The following WDR91 variants were observed in gnomAD, a reference collection of about 807,000 sequenced individuals.
The protein encoded by WDR91 is WD repeat domain 91, also known as WD repeat-containing protein 91.
WDR91 carries 52 observed loss-of-function variants against 88.4 expected under a neutral mutation model. That is an observed-to-expected ratio of 0.59 (90% CI 0.47 to 0.74). The LOEUF (loss-of-function observed/expected upper bound fraction) is 0.74, where lower values mean the gene tolerates loss of function less well. WDR91 is among the 30% of genes least tolerant of loss of function. The pLI, the probability that WDR91 is intolerant of heterozygous loss-of-function variation, is 0.00. For missense variants in WDR91, 824 were observed against 954.5 expected (o/e 0.86, Z 1.80); for synonymous variants, 362 against 389.5 (o/e 0.93, Z 0.83).
chr7:135,198,164 A>C lies in WDR91; in HGVS notation c.892-13T>G. Reference sequence around the variant, plus strand: ...TTCCCTTGGTGCCCTAGAGGAAAAGAAGCTGGCTGTGAAGTCTCTTCCCAT... The same window carrying C: ...TTCCCTTGGTGCCCTAGAGGAAAAGCAGCTGGCTGTGAAGTCTCTTCCCAT... On this transcript the variant is annotated splice_polypyrimidine_tract_variant and intron_variant, in intron 6 of 14. Coordinates refer to ENST00000354475, the MANE Select transcript of WDR91 (RefSeq NM_014149.4). 1 of 1,607,818 alleles carries C rather than the reference A, an allele frequency of 6.2e-7. No homozygotes were observed. The highest frequency in any genetic ancestry group is 8.5e-7 in the Non-Finnish European group (1 of 1,176,942).
At chr7:135,208,070 G>A (rs186600979) in intron 3 of WDR91, among the ~76,000 whole-genome samples, 45 of 152,180 alleles carry the variant, frequency 3.0e-4, no homozygotes, top group African/African-American at 1.1e-3. Context: ...TCCTCCCAGA[G>A]GCCAAAACGC....
At chr7:135,193,031 GTCT>G (rs912421451) in intron 11 of WDR91, among the ~76,000 whole-genome samples, 197 bp downstream of exon 11, 2 of 152,210 alleles carry the variant, frequency 1.3e-5, no homozygotes, top group African/African-American at 2.4e-5. Context: ...GGTTCTGGGT[GTCT>G]TCTAAGTTTG....
At chr7:135,192,114 T>G (rs1325419215) in intron 11 of WDR91, among the ~76,000 whole-genome samples, 1 of 140,274 alleles carries the variant, frequency 7.1e-6, no homozygotes, top group Non-Finnish European at 1.5e-5. Context: ...TTGTGTTTTT[T>G]TTTTTTTTTT....
intron 8 of WDR91, among the ~76,000 whole-genome samples, chr7:135,195,408 G>A (rs1831324803): frequency 6.6e-6 from 1 of 152,232 alleles, no homozygotes; most frequent in Non-Finnish European, 1.5e-5. Flanking sequence ...CTCCAGAACA[G>A]CCCAAGGGCC....
intron 14 of WDR91, among the ~76,000 whole-genome samples, chr7:135,186,613 G>C (rs1830951902): frequency 6.6e-6 from 1 of 152,226 alleles, no homozygotes; most frequent in African/African-American, 2.4e-5. Context: ...TCTCACTACA[G>C]CATCACTTCT....
At chr7:135,187,252 A>G in intron 13 of WDR91, 83 bp from the exon 14 acceptor site, 1 of 1,439,274 alleles carries the variant, frequency 6.9e-7, no homozygotes, top group Non-Finnish European at 9.6e-7. Context: ...CCCACCCCAC[A>G]GCAGAGGCTG....
Position 135,196,203 on chromosome 7 carries a change from G to A in WDR91, c.1185C>T (p.Pro395=), listed in dbSNP as rs781125301. The A allele has an allele frequency of 6.2e-7, 1 of 1,609,518 alleles. No homozygotes were observed. Among genetic ancestry groups the A allele is most frequent in the South Asian group, 1.1e-5 (1 of 90,604 alleles). Residue 395 remains proline, a synonymous_variant, in exon 8 of 15, where the codon CCC becomes CCT. Transcript: ENST00000354475. This position sits in a 1 kb window ranked among gnomAD's most constrained non-coding sequence, Gnocchi z 4.2. ...PEGGGVRPEQ[P]FIVLGQEEYG... Reference sequence around the variant, plus strand: ...ACTCCTCCTGTCCCAGCACAATAAAGGGCTGCTCGGGGCGGACTCCTCCAC... The same window carrying A: ...ACTCCTCCTGTCCCAGCACAATAAAAGGCTGCTCGGGGCGGACTCCTCCAC...
At chr7:135,198,421 C>G (rs771520080) in intron 6 of WDR91, 1 of 419,766 alleles carries the variant, frequency 2.4e-6, no homozygotes, top group Non-Finnish European at 4.3e-6. Flanking sequence ...TTGATCTAAT[C>G]GGAACAATTT....
At chr7:135,207,348 AAT>A (rs772739968) in intron 3 of WDR91, 146 bp from the exon 4 acceptor site, 1 of 678,260 alleles carries the variant, frequency 1.5e-6, no homozygotes, top group East Asian at 3.2e-5. Flanking sequence ...GGCTTAATGA[AAT>A]AGTCGCTCCC....
chr7:135,186,106 A>G lies in WDR91; in HGVS notation c.*45T>C, dbSNP rs895489444. The G allele has an allele frequency of 2.6e-6, 4 of 1,544,730 alleles. No individual in the cohort carries two copies. The highest frequency in any genetic ancestry group is 3.5e-6 in the Non-Finnish European group (4 of 1,149,772). On this transcript the variant is annotated 3_prime_UTR_variant, in exon 15 of 15. Transcript: ENST00000354475. ...TTCCTGTCCTATATCTCCTCCCCCC[A>G]CCGCAGATAATACTGCTTCCTCGGG...
chr7:135,199,753 GCC>G (rs1831502563), intron 6 of WDR91: 2 of 152,328 alleles, frequency 1.3e-5, no homozygotes, highest in South Asian at 4.1e-4. Context: ...CACTTTATGG[GCC>G]CCTTCCTGCC....
At chr7:135,209,350 C>G (rs1275151866) in intron 2 of WDR91, 2 of 455,662 alleles carry the variant, frequency 4.4e-6, no homozygotes, top group African/African-American at 4.0e-5. Flanking sequence ...AGCTTACATG[C>G]TTAACATAAA....
chr7:135,193,459 T>C, intron 10 of WDR91, 60 bp from the exon 11 acceptor site: 1 of 1,610,640 alleles, frequency 6.2e-7, no homozygotes, highest in South Asian at 1.1e-5. Context: ...AGGGTGCACT[T>C]TGGTCCTGAG....
chr7:135,188,688 G>T, intron 12 of WDR91, 143 bp from the exon 13 acceptor site: 1 of 683,898 alleles, frequency 1.5e-6, no homozygotes, highest in African/African-American at 1.8e-5. Flanking sequence ...CCCAATGAGC[G>T]CCATAAAGCT....
chr7:135,209,889 T>G lies in WDR91; in HGVS notation c.124-134A>C, dbSNP rs1831949826. On this transcript the variant is annotated intron_variant, in intron 1 of 14. Transcript: ENST00000354475. Reference sequence around the variant, plus strand: ...TTGTAAGTTAGCAATCTATAAAATTTTCAAAACATACTAATGCAACGGTTT... The same window carrying G: ...TTGTAAGTTAGCAATCTATAAAATTGTCAAAACATACTAATGCAACGGTTT... 8 of 716,928 alleles carry G rather than the reference T, an allele frequency of 1.1e-5. No individual in the cohort carries two copies. The East Asian group carries it at 2.5e-4, about 23-fold the overall frequency. The allele number at this position is 716,928 out of a possible 1,614,324, so 44.4% of individuals were successfully genotyped here.
chr7:135,188,231 A>G (rs1831025883), intron 13 of WDR91, among the ~76,000 whole-genome samples: 1 of 152,220 alleles, frequency 6.6e-6, no homozygotes, highest in African/African-American at 2.4e-5. Context: ...ACTTCCTTTC[A>G]TAAGGATAGC....
chr7:135,208,755 G>C, intron 3 of WDR91, 36 bp downstream of exon 3: 1 of 1,540,130 alleles, frequency 6.5e-7, no homozygotes, highest in Non-Finnish European at 8.8e-7. Context: ...GGGTGCCTCA[G>C]GCTGGGCCTT....
intron 1 of WDR91, chr7:135,210,925 T>C (rs748377575): frequency 4.8e-5 from 34 of 703,530 alleles, no homozygotes; most frequent in Non-Finnish European, 7.3e-5. Context: ...AAATTGCCGA[T>C]GAGTCCCTGA....
rs1830860389 is a variant in WDR91, at chr7:135,184,354, C to T, written c.*1797G>A. The T allele has an allele frequency of 6.6e-6, 1 of 152,194 alleles. No homozygotes were observed. 9.4% of individuals were successfully genotyped at this position (152,194 alleles called of 1,614,324 possible). ...TAACTAGGAGTATCCCTACTCCAGC[C>T]TTGTGCCCCTAGAACTGGGCTGGAG... On this transcript the variant is annotated 3_prime_UTR_variant, in exon 15 of 15. Coordinates refer to ENST00000354475, the MANE Select transcript of WDR91 (RefSeq NM_014149.4).
Sources: allele counts gnomAD v4.1 joint callset (sites outside exome capture counted in the v4.1 genomes callset), GRCh38; gene constraint gnomAD v4.1.1; non-coding constraint Gnocchi (gnomAD v3.1); transcripts MANE v1.5; gene names NCBI Gene and HGNC (gene_info 2026-07-23, HGNC 2026-07-21).